The following DNTT variants were observed in gnomAD, a reference collection of about 807,000 sequenced individuals.
DNTT encodes the protein nucleosidetriphosphate:DNA deoxynucleotidylexotransferase.
A neutral mutation model predicts 60.9 loss-of-function variants in DNTT; 47 were observed. The ratio of observed to expected loss-of-function variants is 0.77; its 90% CI spans 0.61 to 0.98. The LOEUF (loss-of-function observed/expected upper bound fraction) is 0.98, where lower values mean the gene tolerates loss of function less well. Among genes scored for constraint, DNTT ranks in the 50% least tolerant of loss-of-function variants. The probability of loss-of-function intolerance (pLI) is 0.00; values close to 1 mark genes in which losing one functional copy is unlikely to be tolerated. For synonymous variants in DNTT, 224 were observed against 221.2 expected (o/e 1.01, Z -0.11); for missense variants, 665 against 627.5 (o/e 1.06, Z -0.64).
At chr10:96,309,764 C>T in intron 1 of DNTT, among the ~76,000 whole-genome samples, 1 of 152,156 alleles carries the variant, frequency 6.6e-6, no homozygotes, top group East Asian at 1.9e-4. Flanking sequence ...TAGGATGGCC[C>T]CCTTTAAAAT....
At chr10:96,319,144 T>C in intron 2 of DNTT, 118 bp from the exon 3 acceptor site, 1 of 1,154,280 alleles carries the variant, frequency 8.7e-7, no homozygotes, top group Non-Finnish European at 1.2e-6. Flanking sequence ...TAACATAAAT[T>C]TTGAGTCTCC....
chr10:96,318,494 C>G lies in DNTT; in HGVS notation c.346C>G (p.Pro116Ala). ...GATCGAATGCATAAGAGCAGGGAAA[C>G]CGGTGGAAATGACAGGAAAACACCA... The part of the protein sequence containing the change: ...WLIECIRAGK[P>A]VEMTGKHQLV... Residue 116 changes from proline (P) to alanine (A), a missense_variant, in exon 2 of 11, where the codon CCG becomes GCG. Coordinates refer to ENST00000371174, the MANE Select transcript of DNTT (RefSeq NM_004088.4). 5 of 1,613,500 alleles carry G rather than the reference C, an allele frequency of 3.1e-6. No individual in the cohort carries two copies. The highest frequency in any genetic ancestry group is 4.2e-6 in the Non-Finnish European group (5 of 1,179,670).
intron 6 of DNTT, among the ~76,000 whole-genome samples, chr10:96,325,817 T>G (rs543211563): frequency 6.6e-6 from 1 of 152,368 alleles, no homozygotes; most frequent in Non-Finnish European, 1.5e-5. Flanking sequence ...GGTAAGCTAA[T>G]TGAACATATT....
Position 96,332,452 on chromosome 10 carries a change from G to A in DNTT, c.1215G>A (p.Leu405=), listed in dbSNP as rs1422957556. 5.0e-6 allele frequency: 8 copies of A among 1,614,174 alleles called. No individual in the cohort carries two copies. The East Asian group carries it at 1.8e-4, about 36-fold the overall frequency. ...TGGATCATTTTCAAAAGTGCTTTCT[G>A]ATTTTCAAATTGCCTCGTCAAAGAG... ...DALDHFQKCF[L]IFKLPRQRVD... The change falls in exon 9 of 11, where the codon CTG becomes CTA. Residue 405 remains leucine, a synonymous_variant. Transcript: ENST00000371174.
At chr10:96,327,319 G>A (rs1844947544) in intron 6 of DNTT, 149 bp from the exon 7 acceptor site, 1 of 1,181,836 alleles carries the variant, frequency 8.5e-7, no homozygotes, top group Non-Finnish European at 1.2e-6. Flanking sequence ...AGAACCACAT[G>A]GACTATTCTG....
At chr10:96,322,528 G>T (rs1844892936) in intron 4 of DNTT, 129 bp from the exon 5 acceptor site, 1 of 557,444 alleles carries the variant, frequency 1.8e-6, no homozygotes, top group Non-Finnish European at 3.1e-6. Context: ...GATCAATTAG[G>T]GAAATACCCC....
At chr10:96,305,178 C>T (rs1285160995) in intron 1 of DNTT, among the ~76,000 whole-genome samples, 1 of 152,186 alleles carries the variant, frequency 6.6e-6, no homozygotes, top group Non-Finnish European at 1.5e-5. Context: ...AGCCAGCTTA[C>T]CACAGGCACC....
intron 9 of DNTT, among the ~76,000 whole-genome samples, chr10:96,333,838 A>G (rs1413352850): frequency 1.3e-5 from 2 of 152,228 alleles, no homozygotes; most frequent in Admixed American, 1.3e-4. Flanking sequence ...GAGGACAGAA[A>G]ATGGACAGGG....
intron 1 of DNTT, among the ~76,000 whole-genome samples, chr10:96,313,065 AATCTTCTTCC>A (rs1844739108): frequency 6.6e-6 from 1 of 152,146 alleles, no homozygotes; most frequent in African/African-American, 2.4e-5. Flanking sequence ...GGAGACCCTG[AATCTTCTTCC>A]CTGTAGGAGA....
At chr10:96,310,746 C>T (rs535981561) in intron 1 of DNTT, among the ~76,000 whole-genome samples, 134 of 152,256 alleles carry the variant, frequency 8.8e-4, no homozygotes, top group African/African-American at 3.1e-3. Flanking sequence ...ACATAGGAGG[C>T]CTCAAGAAAT....
At chr10:96,307,343 G>GTTGTTTTTTTTTTTTTTTT (rs1844650391) in intron 1 of DNTT, among the ~76,000 whole-genome samples, 5 of 67,606 alleles carry the variant, frequency 7.4e-5, no homozygotes, top group African/African-American at 3.2e-4. Context: ...GGGTTTTCCA[G>GTTGTTTTTTTTTTTTTTTT]TTTTTTTTTT....
At chr10:96,330,647 C>A (rs1361627617) in intron 8 of DNTT, among the ~76,000 whole-genome samples, 1 of 152,060 alleles carries the variant, frequency 6.6e-6, no homozygotes, top group Non-Finnish European at 1.5e-5. Context: ...TAAAAAGTAT[C>A]TTTTTGAATT....
At chr10:96,331,413 A>G (rs965670101) in intron 8 of DNTT, among the ~76,000 whole-genome samples, 4 of 152,230 alleles carry the variant, frequency 2.6e-5, no homozygotes, top group African/African-American at 4.8e-5. Flanking sequence ...CACGACACCA[A>G]GCATCTGCTT....
chr10:96,327,525 T>C lies in DNTT; in HGVS notation c.932T>C (p.Val311Ala), dbSNP rs1844950394. 6.2e-7 allele frequency: 1 copy of C among 1,614,018 alleles called. No homozygotes were observed. The highest frequency in any genetic ancestry group is 1.3e-5 in the African/African-American group (1 of 74,932). The change falls in exon 7 of 11, where the codon GTC becomes GCC. Residue 311 changes from valine to alanine, a missense_variant. Transcript: ENST00000371174. ...GTGACCAGGGCAGAAGCAGAGGCCGTCAGTGTGCTGGTTAAAGAGGCTGTC... is the reference window on the plus strand; with the variant it reads ...GTGACCAGGGCAGAAGCAGAGGCCGCCAGTGTGCTGGTTAAAGAGGCTGTC... The part of the protein sequence containing the change: ...SCVTRAEAEA[V>A]SVLVKEAVWA...
chr10:96,320,597 T>A, intron 3 of DNTT, 21 bp from the exon 4 acceptor site: 1 of 1,611,736 alleles, frequency 6.2e-7, no homozygotes, highest in Non-Finnish European at 8.5e-7. Context: ...AATCTCCTGC[T>A]TATCTGGTTT....
chr10:96,318,271 T>A, intron 1 of DNTT, 81 bp from the exon 2 acceptor site: 1 of 1,493,156 alleles, frequency 6.7e-7, no homozygotes, highest in South Asian at 1.3e-5. Flanking sequence ...TCAGATGGAA[T>A]GCTCAGAAAC....
At chr10:96,328,936 T>C in intron 8 of DNTT, 106 bp downstream of exon 8, 1 of 1,157,732 alleles carries the variant, frequency 8.6e-7, no homozygotes, top group Non-Finnish European at 1.2e-6. Flanking sequence ...TAATCAATTC[T>C]CAATTATTTG....
intron 8 of DNTT, among the ~76,000 whole-genome samples, chr10:96,331,963 A>G (rs938729464): frequency 5.9e-5 from 9 of 152,060 alleles, no homozygotes; most frequent in Non-Finnish European, 8.8e-5. Context: ...TTTTATGTAG[A>G]AATGAGGTCT....
chr10:96,336,354 T>A (rs1018874291), intron 10 of DNTT, among the ~76,000 whole-genome samples: 2 of 152,098 alleles, frequency 1.3e-5, no homozygotes, highest in Non-Finnish European at 2.9e-5. Context: ...CAGTGGCATT[T>A]TGAGTGGCCA....
Sources: allele counts gnomAD v4.1 joint callset (sites outside exome capture counted in the v4.1 genomes callset), GRCh38; gene constraint gnomAD v4.1.1; transcripts MANE v1.5; gene names NCBI Gene and HGNC (gene_info 2026-07-23, HGNC 2026-07-21).